NCAPG: variants seen among roughly 807,000 people sequenced by gnomAD.
NCAPG encodes the protein non-SMC condensin I complex subunit G.
A neutral mutation model predicts 113.1 loss-of-function variants in NCAPG; 69 were observed. The ratio of observed to expected loss-of-function variants is 0.61; its 90% CI spans 0.50 to 0.75. NCAPG has a LOEUF of 0.75. NCAPG is among the 30% of genes least tolerant of loss of function. The probability of loss-of-function intolerance (pLI) is 0.00; values close to 1 mark genes in which losing one functional copy is unlikely to be tolerated. For synonymous variants in NCAPG, 370 were observed against 415.8 expected (o/e 0.89, Z 1.34); for missense variants, 1,058 against 1,177.0 (o/e 0.90, Z 1.48).
intron 6 of NCAPG, 54 bp downstream of exon 6, chr4:17,817,507 A>G (rs1329688653): frequency 1.3e-6 from 2 of 1,481,684 alleles, no homozygotes; most frequent in Non-Finnish European, 1.8e-6. Flanking sequence ...TGTGCAATTA[A>G]TTTGTTTTTT....
rs1722692636 is a variant in NCAPG, at chr4:17,844,090, T to C, written c.*665T>C. On this transcript the variant is annotated 3_prime_UTR_variant, in exon 21 of 21. Transcript: ENST00000251496. Reference sequence around the variant, plus strand: ...GGAGGTGTCAACATAAATGTATTATTAACCATGAAGCTGCTCGCTATATTT... The same window carrying C: ...GGAGGTGTCAACATAAATGTATTATCAACCATGAAGCTGCTCGCTATATTT... The C allele has an allele frequency of 6.6e-6, 1 of 151,974 alleles. No homozygotes were observed. Among genetic ancestry groups the C allele is most frequent in the South Asian group, 2.1e-4 (1 of 4,834 alleles). The allele number at this position is 151,974 out of a possible 1,614,324, so 9.4% of individuals were successfully genotyped here. A position where few individuals can be genotyped will look rare whatever the true frequency, so the allele number is the denominator to read the frequency against.
rs757341298 is a variant in NCAPG at position 17,827,805 on chromosome 4, C to CTT, written c.1654-456_1654-455dup. 4.7e-3 allele frequency among the ~76,000 whole-genome samples: 590 copies of CTT among 126,214 alleles called. 4 individuals are homozygous for CTT. The highest frequency in any genetic ancestry group is 0.016 in the African/African-American group (537 of 33,736). The allele number at this position is 126,214 out of a possible 152,430, so 82.8% of individuals were successfully genotyped here. The stretch of plus-strand genomic sequence containing the variant: ...ATAATTAGGCAAGATGAAGATTAGA[C>CTT]TTTTTTTTTTTTTTTTTTGAGACAA... On this transcript the variant is annotated intron_variant, in intron 11 of 20. Transcript: ENST00000251496.
At position 17,837,813 on chromosome 4, in the gene NCAPG, T is replaced by A. The variant is rs375601585; in HGVS notation, c.2466+12T>A. 6 of 1,613,316 alleles carry A rather than the reference T, an allele frequency of 3.7e-6. No homozygotes were observed. The African/African-American group carries it at 6.7e-5, about 18-fold the overall frequency. The stretch of plus-strand genomic sequence containing the variant: ...CCCAAGATTATCAGGTGAGTGACTG[T>A]GGTAACTGCATGCAGATCACTGTTT... On this transcript the variant is annotated intron_variant, in intron 16 of 20. Transcript: ENST00000251496.
chr4:17,825,352 A>G, intron 10 of NCAPG, 30 bp from the exon 11 acceptor site: 1 of 1,542,476 alleles, frequency 6.5e-7, no homozygotes, highest in Non-Finnish European at 8.7e-7. Flanking sequence ...GTTTTTGTTC[A>G]GTGTTGAAAC....
At position 17,812,314 on chromosome 4, in the gene NCAPG, A is replaced by G. The variant is rs144588753; in HGVS notation, c.205A>G (p.Ile69Val). 5.5e-5 allele frequency: 89 copies of G among 1,613,728 alleles called. No individual in the cohort carries two copies. The highest frequency in any genetic ancestry group is 7.4e-5 in the Non-Finnish European group (87 of 1,179,854). Residue 69 changes from isoleucine to valine, a missense_variant, in exon 2 of 21, where the codon ATA (isoleucine) becomes GTA (valine). Ile to Val is a conservative substitution (Grantham distance 29, BLOSUM62 3). Coordinates refer to ENST00000251496, the MANE Select transcript of NCAPG (RefSeq NM_022346.5). ...ACGTGAACCAGCTGTGGAGAGGGTA[A>G]TAGAATTTGCAGCAAAGTTTGTTAC... ...YKREPAVERVIEFAAKFVTSF... is the reference protein window; with the variant it reads ...YKREPAVERVVEFAAKFVTSF...
chr4:17,824,536 T>A (rs1721582552), intron 9 of NCAPG, among the ~76,000 whole-genome samples: 1 of 152,136 alleles, frequency 6.6e-6, no homozygotes, highest in African/African-American at 2.4e-5. Flanking sequence ...AGTCCTTCCT[T>A]ATGCTATTAT....
chr4:17,820,320 G>A (rs12642191), intron 7 of NCAPG, among the ~76,000 whole-genome samples: 66,725 of 151,888 alleles, frequency 0.44, 17,306 homozygotes, highest in Middle Eastern at 0.59. Flanking sequence ...GAAAATTTTC[G>A]GCTGGGTGCG....
At chr4:17,830,865 A>G (rs1721841693) in intron 12 of NCAPG, 132 bp from the exon 13 acceptor site, 3 of 865,706 alleles carry the variant, frequency 3.5e-6, no homozygotes, top group Non-Finnish European at 5.2e-6. Flanking sequence ...CACTCTGGCT[A>G]TATTGTTCTG....
chr4:17,837,685 G>A lies in NCAPG; in HGVS notation c.2350G>A (p.Ala784Thr). Residue 784 changes from alanine (A) to threonine (T), a missense_variant, in exon 16 of 21, where the codon GCC (alanine) becomes ACC (threonine). Physicochemically the swap from Ala to Thr is moderately conservative, Grantham distance 58. Coordinates refer to ENST00000251496, the MANE Select transcript of NCAPG (RefSeq NM_022346.5). Reference protein sequence around the residue: ...FLPTLQTLANAPASSPLAEID... With the variant: ...FLPTLQTLANTPASSPLAEID... The stretch of plus-strand genomic sequence containing the variant: ...TCCAACCCTGCAAACACTGGCCAAT[G>A]CCCCTGCATCTTCTCCTTTAGCTGA... The A allele has an allele frequency of 6.2e-7, 1 of 1,613,940 alleles. No homozygotes were observed. The highest frequency in any genetic ancestry group is 8.5e-7 in the Non-Finnish European group (1 of 1,179,928).
At chr4:17,838,477 C>T (rs1014319793) in intron 16 of NCAPG, among the ~76,000 whole-genome samples, 15 of 152,122 alleles carry the variant, frequency 9.9e-5, no homozygotes, top group African/African-American at 3.4e-4. Flanking sequence ...AGCTATTAAG[C>T]ACTTCATGAC....
At chr4:17,819,156 TAC>T (rs1159357813) in intron 7 of NCAPG, among the ~76,000 whole-genome samples, 1 of 152,184 alleles carries the variant, frequency 6.6e-6, no homozygotes, top group Non-Finnish European at 1.5e-5. Context: ...TAGATACTGT[TAC>T]AGTCTTAACA....
At chr4:17,818,195 CT>C (rs1054449768) in intron 7 of NCAPG, 107 bp downstream of exon 7, 11 of 1,248,288 alleles carry the variant, frequency 8.8e-6, no homozygotes, top group East Asian at 2.4e-5. Flanking sequence ...GTTAAAAATC[CT>C]TTTTTTGTAC....
In NCAPG at chr4:17,818,013, C is replaced by G. The variant is rs1468154538; in HGVS notation, c.1043C>G (p.Ser348Ter). ...TGTGCCCTTTGTGAATATTTGAAAT[C>G]AAAAGGAGATGAAGGTGAAGAATTT... Reference protein sequence around the residue: ...YWCALCEYLKSKGDEGEEFLE... With the variant: ...YWCALCEYLK The change falls in exon 7 of 21, where the codon TCA becomes TGA. Residue 348 changes from serine to a stop codon, truncating the protein, a stop_gained. Transcript: ENST00000251496. LOFTEE classifies it high-confidence loss of function. 1.2e-6 allele frequency: 2 copies of G among 1,613,478 alleles called. No homozygotes were observed. The highest frequency in any genetic ancestry group is 4.5e-5 in the East Asian group (2 of 44,806).
Position 17,825,008 on chromosome 4 carries a change from C to A in NCAPG, c.1424C>A (p.Thr475Asn). ...IISEIRAPIV[T>N]VGVNNDPADV... Reference sequence around the variant, plus strand: ...TCAGAGATTCGGGCGCCCATTGTTACTGTTGGTGTTAATAACGATCCAGCT... The same window carrying A: ...TCAGAGATTCGGGCGCCCATTGTTAATGTTGGTGTTAATAACGATCCAGCT... The change falls in exon 10 of 21, where the codon ACT becomes AAT. Residue 475 changes from threonine (T) to asparagine (N), a missense_variant. Thr to Asn is a moderately conservative substitution (Grantham distance 65). Transcript: ENST00000251496. The A allele has an allele frequency of 6.2e-7, 1 of 1,612,872 alleles. No homozygotes were observed. Among genetic ancestry groups the A allele is most frequent in the South Asian group, 1.1e-5 (1 of 91,008 alleles).
Position 17,842,197 on chromosome 4 carries a change from G to A in NCAPG, c.2855-113G>A, listed in dbSNP as rs561678061. 2.7e-5 allele frequency: 22 copies of A among 822,766 alleles called. No homozygotes were observed. The East Asian group carries it at 5.7e-4, about 21-fold the overall frequency. The allele number at this position is 822,766 out of a possible 1,614,324, so 51.0% of individuals were successfully genotyped here. ...TGGCTAGAACAAGTAGGAGATACAT[G>A]TGTTGAAAGGATTGTTGTGTTGAAG... On this transcript the variant is annotated intron_variant, in intron 19 of 20. Coordinates refer to ENST00000251496, the MANE Select transcript of NCAPG (RefSeq NM_022346.5).
intron 11 of NCAPG, among the ~76,000 whole-genome samples, chr4:17,828,016 G>T (rs182090573): frequency 2.7e-4 from 41 of 152,046 alleles, no homozygotes; most frequent in African/African-American, 9.6e-4. Flanking sequence ...GACCAGGCTG[G>T]TCCTAAATTC....
chr4:17,835,432 T>G (rs1560231343), intron 14 of NCAPG, among the ~76,000 whole-genome samples: 2 of 152,110 alleles, frequency 1.3e-5, no homozygotes, highest in Non-Finnish European at 2.9e-5. Context: ...CCTCAAGTGA[T>G]CCTCCTGCCT....
chr4:17,828,686 T>C (rs1187278069), intron 12 of NCAPG, among the ~76,000 whole-genome samples: 1 of 152,092 alleles, frequency 6.6e-6, no homozygotes, highest in Non-Finnish European at 1.5e-5. Flanking sequence ...TACTGAAACA[T>C]ACCAAGAATA....
At chr4:17,828,199 C>T in intron 11 of NCAPG, 79 bp from the exon 12 acceptor site, 19 of 933,250 alleles carry the variant, frequency 2.0e-5, no homozygotes, top group Non-Finnish European at 3.0e-5. Flanking sequence ...GTATGCCCTA[C>T]ACAAAGCCCT....
Sources: gnomAD v4.1 joint callset for allele counts (sites outside exome capture counted in the v4.1 genomes callset) on GRCh38, gnomAD v4.1.1 for gene constraint, MANE v1.5 for transcripts, NCBI Gene and HGNC (gene_info 2026-07-23, HGNC 2026-07-21) for gene names.